Variants in YWHAE observed in about 807,000 individuals in gnomAD.
The protein encoded by YWHAE is tyrosine 3-monooxygenase/tryptophan 5-monooxygenase activation protein epsilon.
YWHAE carries 4 observed loss-of-function variants against 30.1 expected under a neutral mutation model. That is an observed-to-expected ratio of 0.13 (90% CI 0.07 to 0.30). The LOEUF (loss-of-function observed/expected upper bound fraction) is 0.30, where lower values mean the gene tolerates loss of function less well. YWHAE is among the 10% of genes least tolerant of loss of function. YWHAE has a pLI of 1.00. For missense variants in YWHAE, 121 were observed against 315.9 expected (o/e 0.38, Z 4.68); for synonymous variants, 118 against 111.8 (o/e 1.06, Z -0.35).
At chr17:1,397,636 C>A (rs1453604272) in intron 1 of YWHAE, among the ~76,000 whole-genome samples, 1 of 152,162 alleles carries the variant, frequency 6.6e-6, no homozygotes, top group Non-Finnish European at 1.5e-5. Context: ...TGCCAATACA[C>A]TGTCTTACCT....
At chr17:1,366,153 T>C (rs1043097127) in intron 1 of YWHAE, among the ~76,000 whole-genome samples, 12 of 151,036 alleles carry the variant, frequency 7.9e-5, no homozygotes, top group South Asian at 2.1e-4. Flanking sequence ...AAGGTGGAGA[T>C]TGCAGTGAGC....
chr17:1,354,093 G>A (rs2072686616), intron 5 of YWHAE, 118 bp downstream of exon 5: 4 of 1,299,100 alleles, frequency 3.1e-6, no homozygotes, highest in East Asian at 4.8e-5. Flanking sequence ...TTTCATAGAG[G>A]GCAGGCGGTG....
In YWHAE at chr17:1,345,126, T is replaced by G; in HGVS notation, c.*321A>C. 1 of 385,262 alleles carries G rather than the reference T, an allele frequency of 2.6e-6. No homozygotes were observed. Among genetic ancestry groups the G allele is most frequent in the Non-Finnish European group, 4.7e-6 (1 of 214,118 alleles). 23.9% of individuals were successfully genotyped at this position (385,262 alleles called of 1,614,324 possible). A position where few individuals can be genotyped will look rare whatever the true frequency, so the allele number is the denominator to read the frequency against. On this transcript the variant is annotated 3_prime_UTR_variant, in exon 6 of 6. Transcript: ENST00000264335. ...AGTCTAATGGCTTTCAAATGTAATTTCCATTTGCTAATGGTGATCTTGCCA... is the reference window on the plus strand; with the variant it reads ...AGTCTAATGGCTTTCAAATGTAATTGCCATTTGCTAATGGTGATCTTGCCA...
At position 1,369,525 on chromosome 17, in the gene YWHAE, T is replaced by C. The variant is rs144297041; in HGVS notation, c.65-4467A>G. 4.1e-3 allele frequency among the ~76,000 whole-genome samples: 623 copies of C among 152,096 alleles called. 2 individuals are homozygous for C. Among genetic ancestry groups the C allele is most frequent in the African/African-American group, 0.014 (567 of 41,482 alleles). ...ATAAATAAACTGTACCATTCAATGG[T>C]TTTTAGTATATTCACAGAATTCTGC... On this transcript the variant is annotated intron_variant, in intron 1 of 5. Transcript: ENST00000264335.
chr17:1,388,101 G>GC (rs2073329181), intron 1 of YWHAE, among the ~76,000 whole-genome samples: 1 of 62,358 alleles, frequency 1.6e-5, no homozygotes, highest in Non-Finnish European at 2.8e-5. Flanking sequence ...GGTAATTTTT[G>GC]TTTTTTTTTT....
At chr17:1,373,498 T>TA (rs1381546504) in intron 1 of YWHAE, among the ~76,000 whole-genome samples, 2 of 151,126 alleles carry the variant, frequency 1.3e-5, no homozygotes, top group African/African-American at 4.9e-5. Context: ...ACCCCGTCTC[T>TA]ACTAAATATA....
chr17:1,354,171 C>A (rs752249950), intron 5 of YWHAE, 40 bp downstream of exon 5: 2 of 1,599,612 alleles, frequency 1.3e-6, no homozygotes, highest in Admixed American at 3.5e-5. Context: ...ACAAATCCTG[C>A]AACTGAAAGA....
At position 1,345,435 on chromosome 17, in the gene YWHAE, T is replaced by C. The variant is rs201260042; in HGVS notation, c.*12A>G. ...GGGTGGTCAGAGATGGTTTCTCTTG[T>C]TGGCTTATGTCTCACTGATTTTCGT... On this transcript the variant is annotated 3_prime_UTR_variant, in exon 6 of 6. Coordinates refer to ENST00000264335, the MANE Select transcript of YWHAE (RefSeq NM_006761.5). The C allele has an allele frequency of 1.9e-6, 3 of 1,613,842 alleles. No homozygotes were observed. Among genetic ancestry groups the C allele is most frequent in the African/African-American group, 2.7e-5 (2 of 75,014 alleles).
chr17:1,346,668 C>T (rs2072522545), intron 5 of YWHAE, among the ~76,000 whole-genome samples: 1 of 152,188 alleles, frequency 6.6e-6, no homozygotes, highest in South Asian at 2.1e-4. Context: ...GCCTCAGCAA[C>T]ACAGTGAAGC....
At chr17:1,382,098 G>A (rs2073220097) in intron 1 of YWHAE, among the ~76,000 whole-genome samples, 1 of 151,524 alleles carries the variant, frequency 6.6e-6, no homozygotes, top group Admixed American at 6.6e-5. Context: ...ACCCAGGCTG[G>A]AGTGCAGTGG....
chr17:1,397,151 G>A (rs941587734), intron 1 of YWHAE, among the ~76,000 whole-genome samples: 10 of 152,020 alleles, frequency 6.6e-5, no homozygotes, highest in East Asian at 1.9e-4. Flanking sequence ...CACCCGCCTC[G>A]ACCTCCCAAG....
chr17:1,364,946 G>A lies in YWHAE; in HGVS notation c.177C>T (p.Ser59=). The A allele has an allele frequency of 6.2e-7, 1 of 1,614,048 alleles. No homozygotes were observed. The highest frequency in any genetic ancestry group is 8.5e-7 in the Non-Finnish European group (1 of 1,179,990). The change falls in exon 2 of 6, where the codon TCC becomes TCT. Residue 59 remains serine, a synonymous_variant. Transcript: ENST00000264335. ...YKNVIGARRA[S]WRIISSIEQK... The stretch of plus-strand genomic sequence containing the variant: ...GTTCAATGCTGCTGATTATTCTCCA[G>A]GAGGCTCTTCTAGCTCCAATCACAT...
At chr17:1,366,910 C>A (rs958698781) in intron 1 of YWHAE, among the ~76,000 whole-genome samples, 1 of 152,052 alleles carries the variant, frequency 6.6e-6, no homozygotes, top group Non-Finnish European at 1.5e-5. Flanking sequence ...CCACTGCATT[C>A]CAGCCTGGGT....
At chr17:1,350,652 G>A (rs2150838072) in intron 5 of YWHAE, among the ~76,000 whole-genome samples, 1 of 151,774 alleles carries the variant, frequency 6.6e-6, no homozygotes. Context: ...ATGTTGGTCA[G>A]GCTGGTCTCA....
chr17:1,351,261 G>A (rs1269143333), intron 5 of YWHAE, among the ~76,000 whole-genome samples: 1 of 151,648 alleles, frequency 6.6e-6, no homozygotes. Context: ...TACTAGGGAG[G>A]ATAAGGCAGG....
chr17:1,344,573 G>T lies in YWHAE; in HGVS notation c.*874C>A. The stretch of plus-strand genomic sequence containing the variant: ...TTTAATTTAGGTTTGTTTTATTTAA[G>T]TTTAATGTTAATTCCATGCTGTGTT... On this transcript the variant is annotated 3_prime_UTR_variant, in exon 6 of 6. Coordinates refer to ENST00000264335, the MANE Select transcript of YWHAE (RefSeq NM_006761.5). 4.5e-6 allele frequency: 1 copy of T among 220,386 alleles called. No homozygotes were observed. Among genetic ancestry groups the T allele is most frequent in the Non-Finnish European group, 9.1e-6 (1 of 109,602 alleles). 13.7% of individuals were successfully genotyped at this position (220,386 alleles called of 1,614,324 possible).
chr17:1,385,695 GCTC>G (rs1325950426), intron 1 of YWHAE, among the ~76,000 whole-genome samples: 1 of 152,084 alleles, frequency 6.6e-6, no homozygotes, highest in African/African-American at 2.4e-5. Flanking sequence ...GAATTTAATG[GCTC>G]CTATCCCAAT....
intron 1 of YWHAE, among the ~76,000 whole-genome samples, chr17:1,387,112 C>T (rs2073311704): frequency 6.6e-6 from 1 of 152,226 alleles, no homozygotes; most frequent in Non-Finnish European, 1.5e-5. Context: ...AGCTACTTTT[C>T]CCTTTGGTCT....
intron 1 of YWHAE, among the ~76,000 whole-genome samples, chr17:1,392,107 C>T (rs1256670731): frequency 2.6e-5 from 4 of 152,040 alleles, no homozygotes; most frequent in Non-Finnish European, 5.9e-5. Context: ...TGCTGAGGTG[C>T]CCAGGGGGTC....
Sources: gnomAD v4.1 joint callset for allele counts (sites outside exome capture counted in the v4.1 genomes callset) on GRCh38, gnomAD v4.1.1 for gene constraint, MANE v1.5 for transcripts, NCBI Gene and HGNC (gene_info 2026-07-23, HGNC 2026-07-21) for gene names.